SEMA4C: variants seen among roughly 807,000 people sequenced by gnomAD.
SEMA4C encodes semaphorin-4C.
Under a neutral mutation model 89.0 loss-of-function variants are expected in SEMA4C, and 19 were observed. That is an observed-to-expected ratio of 0.21 (90% CI 0.15 to 0.31). SEMA4C has a LOEUF of 0.31. Ranked by LOEUF, SEMA4C falls within the 10% of genes least tolerant of loss-of-function variation. SEMA4C has a pLI of 1.00. For synonymous variants in SEMA4C, 428 were observed against 472.7 expected (o/e 0.91, Z 1.23); for missense variants, 811 against 1,107.0 (o/e 0.73, Z 3.79).
Position 96,865,911 on chromosome 2 carries a change from C to T in SEMA4C, c.277G>A (p.Val93Met), listed in dbSNP as rs552765149. 48 of 1,613,916 alleles carry T rather than the reference C, an allele frequency of 3.0e-5. No individual in the cohort carries two copies. Among genetic ancestry groups the T allele is most frequent in the Non-Finnish European group, 3.9e-5 (46 of 1,180,008 alleles). The change falls in exon 4 of 15, where the codon GTG becomes ATG. Residue 93 changes from valine (V) to methionine (M), a missense_variant. Around this residue, in one of 4 missense-constraint regions of SEMA4C, gnomAD observed 119 missense variants for 152.7 expected, o/e 0.78. Transcript: ENST00000305476. ...TGGATACACTCAGTCTTCTTCTCCA[C>T]GGGGGCCTCCCAGGAGATCTGGGGA... Reference protein sequence around the residue: ...LQGAISWEAPVEKKTECIQKG... With the variant: ...LQGAISWEAPMEKKTECIQKG...
Position 96,861,585 on chromosome 2 carries a change from T to C in SEMA4C, c.1666A>G (p.Lys556Glu). The change falls in exon 14 of 15, where the codon AAG becomes GAG. Residue 556 changes from lysine to glutamate, a missense_variant. Physicochemically the swap from Lys to Glu is moderately conservative, Grantham distance 56 (BLOSUM62 1). Coordinates refer to ENST00000305476, the MANE Select transcript of SEMA4C (RefSeq NM_017789.5). This position sits in a 1 kb window ranked among gnomAD's most constrained non-coding sequence, Gnocchi z 7.8. The stretch of plus-strand genomic sequence containing the variant: ...CGGGAATGAAAAAGCTCACCTTTCT[T>C]ACTGCCACGGAGGTTGCAGATGCCT... ...TSGICNLRGS[K>E]KVRPTPKNIT... 5 of 1,589,542 alleles carry C rather than the reference T, an allele frequency of 3.1e-6. No homozygotes were observed. Among genetic ancestry groups the C allele is most frequent in the Non-Finnish European group, 4.3e-6 (5 of 1,164,602 alleles).
upstream of SEMA4C, chr2:96,870,395 TCCCCC>T: frequency 2.2e-6 from 1 of 444,812 alleles, no homozygotes; most frequent in Non-Finnish European, 3.0e-6. Context: ...TTCTGAAGTG[TCCCCC>T]GAAGACTCCG....
Position 96,864,922 on chromosome 2 carries a change from G to A in SEMA4C, c.786+42C>T. 6.2e-7 allele frequency: 1 copy of A among 1,610,460 alleles called. No individual in the cohort carries two copies. Among genetic ancestry groups the A allele is most frequent in the Non-Finnish European group, 8.5e-7 (1 of 1,178,658 alleles). On this transcript the variant is annotated intron_variant, in intron 8 of 14. Transcript: ENST00000305476. This position sits in a 1 kb window ranked among gnomAD's most constrained non-coding sequence, Gnocchi z 6.3. The stretch of plus-strand genomic sequence containing the variant: ...GGACACTGCCGGTCAGCCCCGCTGG[G>A]CCAGCAGGGCTCCCAGGGCCCACCG...
rs1454631088 is a variant in SEMA4C, at chr2:96,866,441, T to C, written c.110-10A>G. The stretch of plus-strand genomic sequence containing the variant: ...ACTACCGTGGCCAGCTCTGCAGGGG[T>C]AAGCATGGCTGCTGATGGGCAGGAC... On this transcript the variant is annotated splice_polypyrimidine_tract_variant and intron_variant, in intron 2 of 14. Transcript: ENST00000305476. 1.2e-6 allele frequency: 2 copies of C among 1,613,706 alleles called. No homozygotes were observed. The highest frequency in any genetic ancestry group is 1.7e-6 in the Non-Finnish European group (2 of 1,180,018).
Position 96,864,836 on chromosome 2 carries a change from C to T in SEMA4C, c.831G>A (p.Thr277=), listed in dbSNP as rs145384778. ...AGCATGCCAGCCGCGCCTTCAGGAA[C>T]GTGGTCCACTTCCTCTGCAGGGTCC... ...GARTLQRKWT[T]FLKARLACSA... Residue 277 remains threonine, a synonymous_variant, in exon 9 of 15, where the codon ACG becomes ACA. Coordinates refer to ENST00000305476, the MANE Select transcript of SEMA4C (RefSeq NM_017789.5). This position sits in a 1 kb window ranked among gnomAD's most constrained non-coding sequence, Gnocchi z 6.3. 319 of 1,613,824 alleles carry T rather than the reference C, an allele frequency of 2.0e-4. No individual in the cohort carries two copies. The African/African-American group carries it at 3.6e-3, about 18-fold the overall frequency.
chr2:96,869,545 T>C (rs1249527432), intron 1 of SEMA4C: 1 of 984,888 alleles, frequency 1.0e-6, no homozygotes, highest in East Asian at 1.1e-4. Flanking sequence ...CCCCAAACTT[T>C]CCATCGGGGG....
intron 2 of SEMA4C, among the ~76,000 whole-genome samples, chr2:96,867,427 G>A (rs558391356): frequency 6.6e-6 from 1 of 152,256 alleles, no homozygotes; most frequent in East Asian, 1.9e-4. Context: ...GCAGTAGGAG[G>A]TCTTAGGGGG....
chr2:96,870,563 A>G, upstream of SEMA4C: 9 of 985,422 alleles, frequency 9.1e-6, no homozygotes, highest in Non-Finnish European at 9.6e-6. Flanking sequence ...TTGGCCCCCA[A>G]TTCTGCCTCT....
chr2:96,866,583 G>T, intron 2 of SEMA4C, 152 bp from the exon 3 acceptor site: 1 of 1,064,472 alleles, frequency 9.4e-7, no homozygotes, highest in Non-Finnish European at 1.4e-6. Context: ...ACAGCCTTTG[G>T]CCCTGACAGC....
At chr2:96,865,803 G>A (rs372384106) in intron 4 of SEMA4C, 39 bp from the exon 5 acceptor site, 129 of 1,613,278 alleles carry the variant, frequency 8.0e-5, no homozygotes, top group Non-Finnish European at 9.8e-5. Flanking sequence ...AGAGCGCGAG[G>A]GCCAGAATGG....
chr2:96,862,003 C>A (rs1361319436), intron 12 of SEMA4C, 109 bp from the exon 13 acceptor site: 3 of 1,185,576 alleles, frequency 2.5e-6, no homozygotes, highest in Non-Finnish European at 1.2e-6. Context: ...GCAGGGGGCA[C>A]AGCACGGGGC....
chr2:96,863,491 AGATTCCATTCT>A, intron 12 of SEMA4C, 180 bp downstream of exon 12: 1 of 898,790 alleles, frequency 1.1e-6, no homozygotes, highest in Non-Finnish European at 1.3e-6. Flanking sequence ...TGTGCAGTGC[AGATTCCATTCT>A]GTTTTCATTC....
Position 96,864,099 on chromosome 2 carries a change from A to G in SEMA4C, c.1157T>C (p.Leu386Pro). 1 of 1,612,638 alleles carries G rather than the reference A, an allele frequency of 6.2e-7. No individual in the cohort carries two copies. The highest frequency in any genetic ancestry group is 8.5e-7 in the Non-Finnish European group (1 of 1,179,940). ...RRHGYTSSLELPDNILNFVKK... is the reference protein window; with the variant it reads ...RRHGYTSSLEPPDNILNFVKK... ...GACGAAGTTGAGGATGTTGTCGGGTAGCTCCAGGGAGCTGGTGTAGCCGTG... is the reference window on the plus strand; with the variant it reads ...GACGAAGTTGAGGATGTTGTCGGGTGGCTCCAGGGAGCTGGTGTAGCCGTG... The change falls in exon 11 of 15, where the codon CTA becomes CCA. Residue 386 changes from leucine to proline, a missense_variant. Coordinates refer to ENST00000305476, the MANE Select transcript of SEMA4C (RefSeq NM_017789.5). The surrounding 1 kb of genome is among the most constrained non-coding windows in gnomAD (Gnocchi z 6.3).
chr2:96,868,664 A>G, intron 1 of SEMA4C: 1 of 983,200 alleles, frequency 1.0e-6, no homozygotes, highest in South Asian at 4.7e-5. Flanking sequence ...CCTCCGAAAC[A>G]CCAGCCCTCT....
chr2:96,861,561 G>A lies in SEMA4C; in HGVS notation c.1672+18C>T, dbSNP rs768716553. On this transcript the variant is annotated intron_variant, in intron 14 of 14. Transcript: ENST00000305476. This position sits in a 1 kb window ranked among gnomAD's most constrained non-coding sequence, Gnocchi z 7.8. ...GGTCCAGGGCTCAGCCCGATGCGAC[G>A]GGAATGAAAAAGCTCACCTTTCTTA... 13 of 1,597,750 alleles carry A rather than the reference G, an allele frequency of 8.1e-6. No homozygotes were observed. The highest frequency in any genetic ancestry group is 3.3e-5 in the South Asian group (3 of 89,780).
Position 96,864,933 on chromosome 2 carries a change from T to G in SEMA4C, c.786+31A>C. 1 of 1,607,716 alleles carries G rather than the reference T, an allele frequency of 6.2e-7. No homozygotes were observed. Among genetic ancestry groups the G allele is most frequent in the East Asian group, 2.2e-5 (1 of 44,594 alleles). ...GTCAGCCCCGCTGGGCCAGCAGGGC[T>G]CCCAGGGCCCACCGCTGTGAGACTC... is the stretch of plus-strand genomic sequence containing the variant. On this transcript the variant is annotated intron_variant, in intron 8 of 14. Transcript: ENST00000305476. This position sits in a 1 kb window ranked among gnomAD's most constrained non-coding sequence, Gnocchi z 6.3.
Position 96,865,030 on chromosome 2 carries a change from C to T in SEMA4C, c.720G>A (p.Arg240=). ...AGCAGTCGGACTCCACTGCCCGCTC[C>T]CTGAAGAAGAAGTAGACCTTGTCGT... ...GDDDKVYFFF[R]ERAVESDCYA... is the part of the protein sequence containing the mutation. The change falls in exon 8 of 15, where the codon AGG becomes AGA. Residue 240 remains arginine (R), a synonymous_variant. Coordinates refer to ENST00000305476, the MANE Select transcript of SEMA4C (RefSeq NM_017789.5). 1 of 1,557,522 alleles carries T rather than the reference C, an allele frequency of 6.4e-7. No homozygotes were observed. Among genetic ancestry groups the T allele is most frequent in the African/African-American group, 1.4e-5 (1 of 73,436 alleles).
rs1033942615 is a variant in SEMA4C, at chr2:96,861,667, G to A, written c.1602-18C>T. 11 of 1,590,180 alleles carry A rather than the reference G, an allele frequency of 6.9e-6. No homozygotes were observed. The highest frequency in any genetic ancestry group is 9.4e-6 in the Non-Finnish European group (11 of 1,165,448). Reference sequence around the variant, plus strand: ...GTAGAGATCTGGTAGGGGATGTAGGGTACATCAGCAGCCTGGCTCCAACCA... The same window carrying A: ...GTAGAGATCTGGTAGGGGATGTAGGATACATCAGCAGCCTGGCTCCAACCA... On this transcript the variant is annotated intron_variant, in intron 13 of 14. Coordinates refer to ENST00000305476, the MANE Select transcript of SEMA4C (RefSeq NM_017789.5). The surrounding 1 kb of genome is among the most constrained non-coding windows in gnomAD (Gnocchi z 7.8).
At position 96,867,279 on chromosome 2, in the gene SEMA4C, C is replaced by T. The variant is rs1010745095; in HGVS notation, c.109+499G>A. Among the ~76,000 whole-genome samples, 16 of 152,276 alleles carry T rather than the reference C, an allele frequency of 1.1e-4. No individual in the cohort carries two copies. In the East Asian group the frequency reaches 3.1e-3, roughly 29 times the overall value. On this transcript the variant is annotated intron_variant, in intron 2 of 14. Transcript: ENST00000305476. Reference sequence around the variant, plus strand: ...AGGTCCCCAGAGCGCACGGCTGATACAAACACCTGACATCACCTTTCACAC... The same window carrying T: ...AGGTCCCCAGAGCGCACGGCTGATATAAACACCTGACATCACCTTTCACAC...
Sources: gnomAD v4.1 joint callset for allele counts (sites outside exome capture counted in the v4.1 genomes callset) on GRCh38, gnomAD v4.1.1 for gene constraint, gnomAD v4.1.1 regional missense constraint, Gnocchi (gnomAD v3.1) non-coding constraint, MANE v1.5 for transcripts, NCBI Gene and HGNC (gene_info 2026-07-23, HGNC 2026-07-21) for gene names.